Variants in DHRSX observed in about 807,000 individuals in gnomAD.
DHRSX encodes polyprenol dehydrogenase.
A neutral mutation model predicts 34.0 loss-of-function variants in DHRSX; 31 were observed. The observed-to-expected ratio is 0.91, with a 90% CI of 0.69 to 1.23. The LOEUF is 1.23. DHRSX is among the 50% of genes most tolerant of loss of function. DHRSX has a pLI of 0.00. For missense variants in DHRSX, 414 were observed against 428.1 expected (o/e 0.97, Z 0.29); for synonymous variants, 201 against 183.8 (o/e 1.09, Z -0.76).
At chrX:2,324,280 G>A (rs2047191279) in intron 3 of DHRSX, among the ~76,000 whole-genome samples, 2 of 152,042 alleles carry the variant, frequency 1.3e-5, no homozygotes, top group African/African-American at 2.4e-5. Flanking sequence ...GCACTGAGAC[G>A]GCGCTGCATG....
intron 6 of DHRSX, among the ~76,000 whole-genome samples, chrX:2,237,711 G>A (rs1322426962): frequency 6.6e-6 from 1 of 151,854 alleles, no homozygotes; most frequent in Non-Finnish European, 1.5e-5. Context: ...CTCCATGTTG[G>A]TTAGGCTGGT....
intron 1 of DHRSX, among the ~76,000 whole-genome samples, chrX:2,484,444 C>G (rs961388176): frequency 2.0e-5 from 3 of 152,148 alleles, no homozygotes; most frequent in African/African-American, 7.2e-5. Context: ...GCAGCCGCAG[C>G]TAGGAAGGAG....
chrX:2,261,212 C>G (rs2041359080), intron 5 of DHRSX, among the ~76,000 whole-genome samples: 1 of 150,862 alleles, frequency 6.6e-6, no homozygotes, highest in Non-Finnish European at 1.5e-5. Flanking sequence ...TTGTCTCTTT[C>G]AAAAAATAAA....
At chrX:2,452,687 A>C in intron 1 of DHRSX, among the ~76,000 whole-genome samples, 1 of 152,154 alleles carries the variant, frequency 6.6e-6, no homozygotes, top group Admixed American at 6.5e-5. Context: ...AATGTGGCTA[A>C]GGGACCACTG....
At chrX:2,289,505 G>A (rs193276630) in intron 4 of DHRSX, among the ~76,000 whole-genome samples, 1 of 152,280 alleles carries the variant, frequency 6.6e-6, no homozygotes, top group African/African-American at 2.4e-5. Flanking sequence ...TAAGAGGATG[G>A]ACAGTTCTGT....
At chrX:2,322,311 C>T (rs1266955394) in intron 3 of DHRSX, among the ~76,000 whole-genome samples, 7 of 151,902 alleles carry the variant, frequency 4.6e-5, no homozygotes, top group South Asian at 4.2e-4. Flanking sequence ...CACTTTGGGA[C>T]GCCAAGGCGG....
At chrX:2,481,685 A>G (rs1302028457) in intron 1 of DHRSX, among the ~76,000 whole-genome samples, 4 of 151,966 alleles carry the variant, frequency 2.6e-5, no homozygotes, top group Non-Finnish European at 5.9e-5. Context: ...AATGGTATCC[A>G]CACTGCAGCA....
chrX:2,234,731 G>A (rs774098246), intron 6 of DHRSX, among the ~76,000 whole-genome samples: 1 of 152,234 alleles, frequency 6.6e-6, no homozygotes, highest in East Asian at 1.9e-4. Context: ...TATTTTTTGA[G>A]ACGGAGTCTC....
At chrX:2,343,201 C>A (rs1273080278) in intron 3 of DHRSX, among the ~76,000 whole-genome samples, 3 of 152,164 alleles carry the variant, frequency 2.0e-5, no homozygotes, top group Admixed American at 2.0e-4. Context: ...ATAAGCACCC[C>A]CTTCCAAAAC....
At chrX:2,286,229 C>T (rs1239115062) in intron 4 of DHRSX, among the ~76,000 whole-genome samples, 1 of 152,120 alleles carries the variant, frequency 6.6e-6, no homozygotes, top group Admixed American at 6.5e-5. Flanking sequence ...CTCCAGCACA[C>T]GGGCTTGTGC....
intron 1 of DHRSX, among the ~76,000 whole-genome samples, chrX:2,476,545 A>G (rs183469127): frequency 1.3e-5 from 2 of 152,310 alleles, no homozygotes; most frequent in African/African-American, 4.8e-5. Flanking sequence ...AGGAAATTGC[A>G]ATTGCAATGA....
At chrX:2,288,620 C>A (rs1392755503) in intron 4 of DHRSX, among the ~76,000 whole-genome samples, 1 of 152,202 alleles carries the variant, frequency 6.6e-6, no homozygotes, top group Non-Finnish European at 1.5e-5. Flanking sequence ...CCTCTAGAAC[C>A]AGTGTCAGCC....
chrX:2,247,191 C>T (rs1188007023), intron 5 of DHRSX, among the ~76,000 whole-genome samples: 1 of 152,132 alleles, frequency 6.6e-6, no homozygotes, highest in Non-Finnish European at 1.5e-5. Flanking sequence ...CCAAGTGATC[C>T]ACCCACCTTG....
At chrX:2,277,573 AGGGAGAGAG>A (rs2041687775) in intron 4 of DHRSX, among the ~76,000 whole-genome samples, 1 of 102 alleles carries the variant, frequency 9.8e-3, no homozygotes. Context: ...GGCAAACGAG[AGGGAGAGAG>A]AAGGAGGAGG....
chrX:2,385,327 G>C (rs1012177559), intron 3 of DHRSX, among the ~76,000 whole-genome samples: 1 of 152,068 alleles, frequency 6.6e-6, no homozygotes, highest in African/African-American at 2.4e-5. Context: ...GCTAGTGATG[G>C]TCATGGTTGC....
At chrX:2,271,164 A>T (rs2041548768) in intron 4 of DHRSX, among the ~76,000 whole-genome samples, 1 of 152,086 alleles carries the variant, frequency 6.6e-6, no homozygotes, top group Non-Finnish European at 1.5e-5. Context: ...CCGCAGCTTC[A>T]CTCCTGAAGT....
At chrX:2,320,282 T>C (rs1228816708) in intron 3 of DHRSX, among the ~76,000 whole-genome samples, 2 of 150,894 alleles carry the variant, frequency 1.3e-5, no homozygotes, top group Non-Finnish European at 3.0e-5. Context: ...TATTTCCCTA[T>C]GTGGACTTTT....
At chrX:2,314,099 C>T (rs2042196404) in intron 3 of DHRSX, among the ~76,000 whole-genome samples, 1 of 149,136 alleles carries the variant, frequency 6.7e-6, no homozygotes, top group African/African-American at 2.5e-5. Flanking sequence ...TGTTTCTTAT[C>T]AGACCTAAAA....
intron 6 of DHRSX, among the ~76,000 whole-genome samples, chrX:2,231,083 G>C (rs1204353113): frequency 6.6e-6 from 1 of 152,116 alleles, no homozygotes; most frequent in Admixed American, 6.6e-5. Flanking sequence ...CTGCTGGCTG[G>C]CTTTTAAGGC....
Sources: gnomAD v4.1 joint callset for allele counts (sites outside exome capture counted in the v4.1 genomes callset) on GRCh38, gnomAD v4.1.1 for gene constraint, MANE v1.5 for transcripts, NCBI Gene and HGNC (gene_info 2026-07-23, HGNC 2026-07-21) for gene names.